AGBL1: variants seen among roughly 807,000 people sequenced by gnomAD.
The protein encoded by AGBL1 is AGBL carboxypeptidase 1, also known as cytosolic carboxypeptidase 4.
A neutral mutation model predicts 118.9 loss-of-function variants in AGBL1; 130 were observed. That is an observed-to-expected ratio of 1.09 (90% CI 0.95 to 1.26). The LOEUF (loss-of-function observed/expected upper bound fraction) is 1.26, where lower values mean the gene tolerates loss of function less well. Among genes scored for constraint, AGBL1 ranks in the 50% most tolerant of loss-of-function variants. The pLI, the probability that AGBL1 is intolerant of heterozygous loss-of-function variation, is 0.00. For synonymous variants in AGBL1, 555 were observed against 478.9 expected (o/e 1.16, Z -2.08); for missense variants, 1,584 against 1,298.1 (o/e 1.22, Z -3.38).
At chr15:86,507,654 C>T (rs2082993916) in intron 18 of AGBL1, among the ~76,000 whole-genome samples, 1 of 152,016 alleles carries the variant, frequency 6.6e-6, no homozygotes, top group South Asian at 2.1e-4. Context: ...GATGAGATGA[C>T]ATTTGAACAG....
At position 86,262,877 on chromosome 15, in the gene AGBL1, C is replaced by T. The variant is rs1335652878; in HGVS notation, c.1069C>T (p.Leu357Phe). The T allele has an allele frequency of 1.9e-6, 3 of 1,606,824 alleles. No individual in the cohort carries two copies. The African/African-American group carries it at 4.0e-5, about 21-fold the overall frequency. The change falls in exon 10 of 23, where the codon CTC becomes TTC. Residue 357 changes from leucine (L) to phenylalanine (F), a missense_variant. Coordinates refer to ENST00000614907, the MANE Select transcript of AGBL1 (RefSeq NM_001386094.1). ...GCAATATGAGGTGATGTGTCTTGAG[C>T]TCTCCTATAGCTTTGAGGTAGGACA... ...LMQYEVMCLELSYSFEELQSK... is the reference protein window; with the variant it reads ...LMQYEVMCLEFSYSFEELQSK...
chr15:86,318,656 G>C (rs1359231709), intron 17 of AGBL1, among the ~76,000 whole-genome samples: 1 of 151,144 alleles, frequency 6.6e-6, no homozygotes, highest in East Asian at 1.9e-4. Context: ...GGAGTTATGG[G>C]AGGGTATTTA....
intron 5 of AGBL1, among the ~76,000 whole-genome samples, chr15:86,196,871 GCGCGCGCGCACACA>G (rs1567119052): frequency 0.039 from 3,843 of 99,590 alleles, 106 homozygotes; most frequent in African/African-American, 0.071. Flanking sequence ...GCACATGTGC[GCGCGCGCGCACACA>G]CACACACACA....
rs184509565 is a variant in AGBL1 at position 86,728,927 on chromosome 15, A to G, written c.3158+54491A>G. 4.0e-3 allele frequency among the ~76,000 whole-genome samples: 608 copies of G among 152,228 alleles called. 9 individuals are homozygous for G. The highest frequency in any genetic ancestry group is 5.6e-3 in the Non-Finnish European group (384 of 68,022). On this transcript the variant is annotated intron_variant, in intron 22 of 22. Transcript: ENST00000614907. ...TGTGAAGCCATTCACATGGGCAGGGATTTTGTGTGTTTTATTCTCTGATGT... is the reference window on the plus strand; with the variant it reads ...TGTGAAGCCATTCACATGGGCAGGGGTTTTGTGTGTTTTATTCTCTGATGT...
At chr15:86,494,413 C>T (rs1369057080) in intron 18 of AGBL1, among the ~76,000 whole-genome samples, 2 of 151,982 alleles carry the variant, frequency 1.3e-5, no homozygotes, top group Non-Finnish European at 2.9e-5. Flanking sequence ...GGTCACACCT[C>T]AACATAAGAA....
chr15:86,667,634 AAACTCAGATATTTTTTGGACCGTAG>A (rs2085670570), intron 21 of AGBL1, among the ~76,000 whole-genome samples: 2 of 152,056 alleles, frequency 1.3e-5, no homozygotes, highest in Admixed American at 1.3e-4. Flanking sequence ...TTTGATATGT[AAACTCAGATATTTTTTGGACCGTAG>A]GTGAGTACTT....
At chr15:86,462,566 C>T (rs1383921931) in intron 18 of AGBL1, among the ~76,000 whole-genome samples, 1 of 152,134 alleles carries the variant, frequency 6.6e-6, no homozygotes, top group Non-Finnish European at 1.5e-5. Context: ...GGTATTTCTC[C>T]TAATACTATC....
At chr15:86,414,126 A>G (rs1423645804) in intron 18 of AGBL1, among the ~76,000 whole-genome samples, 1 of 152,192 alleles carries the variant, frequency 6.6e-6, no homozygotes, top group African/African-American at 2.4e-5. Context: ...TAAATAATGT[A>G]TACACATGAA....
chr15:86,958,429 A>G (rs1336198035), intron 23 of AGBL1, among the ~76,000 whole-genome samples: 1 of 152,094 alleles, frequency 6.6e-6, no homozygotes, highest in Non-Finnish European at 1.5e-5. Context: ...TAGCATAGGT[A>G]TAGACAAGAA....
At chr15:86,298,998 C>G (rs551648620) in intron 17 of AGBL1, among the ~76,000 whole-genome samples, 1 of 152,244 alleles carries the variant, frequency 6.6e-6, no homozygotes, top group Non-Finnish European at 1.5e-5. Flanking sequence ...ATTTATTTTT[C>G]AAAAGCATTT....
chr15:87,001,162 T>C (rs1423973857), intron 24 of AGBL1, among the ~76,000 whole-genome samples: 1 of 146,496 alleles, frequency 6.8e-6, no homozygotes, highest in Non-Finnish European at 1.5e-5. Flanking sequence ...TATACAATCA[T>C]GTCATCTGCA....
chr15:86,184,655 GC>G (rs1359680483), intron 5 of AGBL1, among the ~76,000 whole-genome samples: 1 of 151,996 alleles, frequency 6.6e-6, no homozygotes, highest in African/African-American at 2.4e-5. Flanking sequence ...TTTCTTGGAG[GC>G]TTTGTTCATT....
chr15:86,413,450 T>A (rs760199045), intron 18 of AGBL1, among the ~76,000 whole-genome samples: 2 of 152,180 alleles, frequency 1.3e-5, no homozygotes, highest in African/African-American at 2.4e-5. Context: ...GAAATCTGCA[T>A]GCTGTCTTCC....
At chr15:86,839,941 G>T (rs1429472125) in intron 22 of AGBL1, among the ~76,000 whole-genome samples, 3 of 152,136 alleles carry the variant, frequency 2.0e-5, no homozygotes, top group Non-Finnish European at 2.9e-5. Flanking sequence ...AATTTTTTAT[G>T]CATATCTACC....
chr15:86,967,852 A>G (rs1252813010), intron 23 of AGBL1, among the ~76,000 whole-genome samples: 2 of 151,994 alleles, frequency 1.3e-5, no homozygotes, highest in African/African-American at 4.8e-5. Flanking sequence ...GTTTTTTCCA[A>G]TTCTGTGAAG....
At chr15:86,536,097 T>C (rs901011709) in intron 19 of AGBL1, among the ~76,000 whole-genome samples, 4 of 152,216 alleles carry the variant, frequency 2.6e-5, no homozygotes, top group Non-Finnish European at 5.9e-5. Context: ...ATTGTTCCCA[T>C]GCTATCAGAA....
intron 22 of AGBL1, among the ~76,000 whole-genome samples, chr15:86,760,932 T>G (rs1465527327): frequency 2.0e-5 from 3 of 152,114 alleles, no homozygotes; most frequent in South Asian, 2.1e-4. Flanking sequence ...GTTCATGGTC[T>G]AAATGCATTG....
chr15:86,447,332 C>T (rs2082133343), intron 18 of AGBL1, among the ~76,000 whole-genome samples: 1 of 152,044 alleles, frequency 6.6e-6, no homozygotes, highest in Admixed American at 6.6e-5. Flanking sequence ...ATGTGTGAGC[C>T]GCGGAATTGT....
intron 2 of AGBL1, among the ~76,000 whole-genome samples, chr15:86,143,288 C>T (rs548695943): frequency 2.0e-5 from 3 of 152,176 alleles, no homozygotes; most frequent in African/African-American, 4.8e-5. Context: ...ATTAGGCCAT[C>T]ATCCCAATCC....
Sources: allele counts gnomAD v4.1 joint callset (sites outside exome capture counted in the v4.1 genomes callset), GRCh38; gene constraint gnomAD v4.1.1; transcripts MANE v1.5; gene names NCBI Gene and HGNC (gene_info 2026-07-23, HGNC 2026-07-21).